The following POU1F1 variants were observed in gnomAD, a reference collection of about 807,000 sequenced individuals.
POU1F1 encodes POU class 1 homeobox 1.
Under a neutral mutation model 32.3 loss-of-function variants are expected in POU1F1, and 23 were observed. The ratio of observed to expected loss-of-function variants is 0.71; its 90% CI spans 0.51 to 1.01. POU1F1 has a LOEUF of 1.01. POU1F1 is among the 50% of genes least tolerant of loss of function. The probability of loss-of-function intolerance (pLI) is 0.00; values close to 1 mark genes in which losing one functional copy is unlikely to be tolerated. For synonymous variants in POU1F1, 120 were observed against 115.6 expected (o/e 1.04, Z -0.25); for missense variants, 323 against 341.6 (o/e 0.95, Z 0.43).
At chr3:87,272,185 C>T (rs1706739582) in intron 2 of POU1F1, among the ~76,000 whole-genome samples, 1 of 151,824 alleles carries the variant, frequency 6.6e-6, no homozygotes, top group Non-Finnish European at 1.5e-5. Context: ...CTCAGTATCA[C>T]ACACATACAC....
At chr3:87,269,133 G>C in intron 2 of POU1F1, among the ~76,000 whole-genome samples, 1 of 152,130 alleles carries the variant, frequency 6.6e-6, no homozygotes, top group East Asian at 1.9e-4. Context: ...CTGTTGCTTA[G>C]GCATAAAAAT....
Position 87,262,251 on chromosome 3 carries a change from A to G in POU1F1, c.440-16T>C, listed in dbSNP as rs780869705. 1.2e-6 allele frequency: 2 copies of G among 1,613,686 alleles called. No homozygotes were observed. The highest frequency in any genetic ancestry group is 2.7e-5 in the African/African-American group (2 of 74,922). On this transcript the variant is annotated splice_polypyrimidine_tract_variant and intron_variant, in intron 3 of 5. Transcript: ENST00000350375. Reference sequence around the variant, plus strand: ...TGGGTGTATCCTGTGAAGGGACAATAAAGACCATCAGCTCCAACTTTCCAG... The same window carrying G: ...TGGGTGTATCCTGTGAAGGGACAATGAAGACCATCAGCTCCAACTTTCCAG...
At chr3:87,273,559 G>A in intron 1 of POU1F1, 141 bp from the exon 2 acceptor site, 2 of 1,442,742 alleles carry the variant, frequency 1.4e-6, no homozygotes, top group Non-Finnish European at 9.3e-7. Context: ...ACACATTTAT[G>A]TGGTTCTTAA....
chr3:87,270,552 T>C (rs1706705128), intron 2 of POU1F1, among the ~76,000 whole-genome samples: 1 of 152,208 alleles, frequency 6.6e-6, no homozygotes, highest in African/African-American at 2.4e-5. Context: ...AGTAATGAAA[T>C]AACCATATGA....
chr3:87,259,837 T>C lies in POU1F1; in HGVS notation c.*57A>G. Reference sequence around the variant, plus strand: ...GTCAACCAAGTAATTTCTGTTTTTGTTGAGGAAGAGAAAGGAATGAAACGG... The same window carrying C: ...GTCAACCAAGTAATTTCTGTTTTTGCTGAGGAAGAGAAAGGAATGAAACGG... On this transcript the variant is annotated 3_prime_UTR_variant, in exon 6 of 6. Transcript: ENST00000350375. 6.9e-7 allele frequency: 1 copy of C among 1,440,968 alleles called. No individual in the cohort carries two copies. Among genetic ancestry groups the C allele is most frequent in the South Asian group, 1.2e-5 (1 of 86,078 alleles). 89.3% of individuals were successfully genotyped at this position (1,440,968 alleles called of 1,614,324 possible).
At position 87,264,264 on chromosome 3, in the gene POU1F1, C is replaced by T. The variant is rs1020183043; in HGVS notation, c.439+24G>A. 28 of 1,567,980 alleles carry T rather than the reference C, an allele frequency of 1.8e-5. No homozygotes were observed. In the Middle Eastern group the frequency reaches 5.1e-4, roughly 29 times the overall value. On this transcript the variant is annotated intron_variant, in intron 3 of 5. Transcript: ENST00000350375. ...AGATTTGCAAACCAAGTTCTTTTTC[C>T]TGTTGCCTTTAACAAGCACATACCT...
intron 1 of POU1F1, among the ~76,000 whole-genome samples, chr3:87,274,783 T>C (rs1706796307): frequency 6.6e-6 from 1 of 151,634 alleles, no homozygotes; most frequent in Non-Finnish European, 1.5e-5. Context: ...TCAATGCTAT[T>C]ATCATTTAAA....
intron 5 of POU1F1, 47 bp downstream of exon 5, chr3:87,261,226 A>G: frequency 1.5e-6 from 2 of 1,302,092 alleles, no homozygotes; most frequent in Non-Finnish European, 2.2e-6. Flanking sequence ...CATTCCATTT[A>G]TAAAATACCA....
chr3:87,272,962 T>C (rs562527865), intron 2 of POU1F1, among the ~76,000 whole-genome samples: 153 of 152,292 alleles, frequency 1.0e-3, no homozygotes, highest in Non-Finnish European at 1.8e-3. Flanking sequence ...GAATTTGAAA[T>C]CTTGTTTTAT....
chr3:87,260,922 TTA>T, intron 5 of POU1F1, among the ~76,000 whole-genome samples: 1 of 144,120 alleles, frequency 6.9e-6, no homozygotes, highest in African/African-American at 2.6e-5. Flanking sequence ...ATTTATTTAT[TTA>T]TTTTGAGACG....
rs757436549 is a variant in POU1F1, at chr3:87,273,308, C to T, written c.214+39G>A. ...AGGCCCAGAAAATCCATCTAAGTGT[C>T]CCCAAATTCAATAACATGTAAAAGA... On this transcript the variant is annotated intron_variant, in intron 2 of 5. Coordinates refer to ENST00000350375, the MANE Select transcript of POU1F1 (RefSeq NM_000306.4). 6.3e-6 allele frequency: 10 copies of T among 1,576,440 alleles called. No individual in the cohort carries two copies. The East Asian group carries it at 1.1e-4, about 18-fold the overall frequency.
At chr3:87,264,178 G>A (rs899928417) in intron 3 of POU1F1, 110 bp downstream of exon 3, 3 of 874,030 alleles carry the variant, frequency 3.4e-6, no homozygotes, top group African/African-American at 1.7e-5. Flanking sequence ...CCACAGTAGA[G>A]ATGAAGAATG....
intron 5 of POU1F1, 124 bp from the exon 6 acceptor site, chr3:87,260,228 A>T (rs1706484237): frequency 1.4e-6 from 1 of 734,898 alleles, no homozygotes; most frequent in Admixed American, 2.2e-5. Context: ...AAAACTCTGA[A>T]CACACTTGCA....
intron 2 of POU1F1, among the ~76,000 whole-genome samples, chr3:87,266,820 T>C (rs747971381): frequency 2.0e-5 from 3 of 152,052 alleles, no homozygotes; most frequent in Admixed American, 6.6e-5. Flanking sequence ...ATTTATGTTA[T>C]CATTTATTTA....
At chr3:87,269,768 A>C (rs1706692688) in intron 2 of POU1F1, among the ~76,000 whole-genome samples, 2 of 151,984 alleles carry the variant, frequency 1.3e-5, no homozygotes, top group Admixed American at 1.3e-4. Flanking sequence ...TTTGGGACTT[A>C]AACAAGTTTG....
chr3:87,267,354 T>C (rs780789874), intron 2 of POU1F1, among the ~76,000 whole-genome samples: 4 of 152,208 alleles, frequency 2.6e-5, no homozygotes, highest in Non-Finnish European at 5.9e-5. Flanking sequence ...GCCCAACGAA[T>C]TAACTTTGCA....
chr3:87,267,411 C>G (rs1259276777), intron 2 of POU1F1, among the ~76,000 whole-genome samples: 3 of 152,134 alleles, frequency 2.0e-5, no homozygotes, highest in Non-Finnish European at 4.4e-5. Context: ...TAAGCCACAT[C>G]AAAATCATTG....
At chr3:87,267,093 G>T (rs1380421536) in intron 2 of POU1F1, among the ~76,000 whole-genome samples, 1 of 151,998 alleles carries the variant, frequency 6.6e-6, no homozygotes, top group Non-Finnish European at 1.5e-5. Context: ...AAATTTGTGT[G>T]TTTTTTACTT....
intron 2 of POU1F1, among the ~76,000 whole-genome samples, chr3:87,272,274 A>C (rs147205166): frequency 4.6e-5 from 7 of 152,200 alleles, no homozygotes; most frequent in African/African-American, 1.7e-4. Flanking sequence ...TGTAGTAATA[A>C]AGATAAAATA....
Sources: allele counts gnomAD v4.1 joint callset (sites outside exome capture counted in the v4.1 genomes callset), GRCh38; gene constraint gnomAD v4.1.1; transcripts MANE v1.5; gene names NCBI Gene and HGNC (gene_info 2026-07-23, HGNC 2026-07-21).